GALNT13: variants seen among roughly 807,000 people sequenced by gnomAD.
GALNT13 encodes polypeptide N-acetylgalactosaminyltransferase 13.
A neutral mutation model predicts 64.2 loss-of-function variants in GALNT13; 28 were observed. The observed-to-expected ratio is 0.44, with a 90% CI of 0.32 to 0.60. The LOEUF (loss-of-function observed/expected upper bound fraction) is 0.60. GALNT13 is among the 20% of genes least tolerant of loss of function. The pLI is 0.05. For synonymous variants in GALNT13, 214 were observed against 224.6 expected (o/e 0.95, Z 0.42); for missense variants, 577 against 669.8 (o/e 0.86, Z 1.53).
At chr2:154,225,856 G>C (rs1224572044) in intron 4 of GALNT13, among the ~76,000 whole-genome samples, 1 of 152,004 alleles carries the variant, frequency 6.6e-6, no homozygotes, top group Non-Finnish European at 1.5e-5. Context: ...CACAACAAAG[G>C]CTGTCTGTCT....
intron 4 of GALNT13, among the ~76,000 whole-genome samples, chr2:154,150,578 A>G (rs1314306990): frequency 6.6e-6 from 1 of 152,058 alleles, no homozygotes; most frequent in Non-Finnish European, 1.5e-5. Context: ...TTTGGTTGGT[A>G]AGCTATTGAT....
intron 3 of GALNT13, among the ~76,000 whole-genome samples, chr2:154,108,977 A>C (rs984040976): frequency 4.6e-5 from 7 of 152,074 alleles, no homozygotes; most frequent in Admixed American, 4.6e-4. Flanking sequence ...GTAGTACAAT[A>C]ACTTCAGCTT....
the GALNT13 span, among the ~76,000 whole-genome samples, chr2:153,227,163 A>C: frequency 6.6e-6 from 1 of 152,198 alleles, no homozygotes; most frequent in African/African-American, 2.4e-5. Flanking sequence ...TGAGAATGAA[A>C]TTTGCCAGAG....
intron 3 of GALNT13, among the ~76,000 whole-genome samples, chr2:154,080,028 T>C (rs1256080327): frequency 6.6e-6 from 1 of 151,636 alleles, no homozygotes; most frequent in Admixed American, 6.6e-5. Context: ...CACCCCTTTG[T>C]TTTCTAAAGG....
intron 3 of GALNT13, among the ~76,000 whole-genome samples, chr2:154,033,339 T>G (rs1344466312): frequency 6.6e-6 from 1 of 151,918 alleles, no homozygotes; most frequent in African/African-American, 2.4e-5. Context: ...AATATAAATT[T>G]TTGCTCTTGA....
chr2:153,908,653 A>G (rs1688740119), intron 2 of GALNT13, among the ~76,000 whole-genome samples: 1 of 151,932 alleles, frequency 6.6e-6, no homozygotes, highest in South Asian at 2.1e-4. Flanking sequence ...TAGGGAGTCC[A>G]TTCCTCATTG....
the GALNT13 span, among the ~76,000 whole-genome samples, chr2:153,512,289 T>C: frequency 6.6e-6 from 1 of 152,150 alleles, no homozygotes; most frequent in South Asian, 2.1e-4. Context: ...ACTGGGTTTT[T>C]AGAGAAGAGA....
intron 3 of GALNT13, among the ~76,000 whole-genome samples, chr2:154,049,017 G>A: frequency 6.6e-6 from 1 of 151,926 alleles, no homozygotes; most frequent in Middle Eastern, 3.2e-3. Flanking sequence ...ACTTACTATG[G>A]TTCAAGAACT....
At chr2:153,205,626 C>T in the GALNT13 span, among the ~76,000 whole-genome samples, 12 of 152,078 alleles carry the variant, frequency 7.9e-5, no homozygotes, top group African/African-American at 2.9e-4. Context: ...TCCAACTGGT[C>T]CAATCCAATG....
At chr2:153,673,978 G>A in the GALNT13 span, among the ~76,000 whole-genome samples, 2 of 152,142 alleles carry the variant, frequency 1.3e-5, no homozygotes, top group African/African-American at 4.8e-5. Context: ...AAAATACCTA[G>A]GAATCCAACT....
the GALNT13 span, among the ~76,000 whole-genome samples, chr2:153,805,277 A>G: frequency 6.6e-6 from 1 of 152,088 alleles, no homozygotes; most frequent in Admixed American, 6.5e-5. Context: ...TAAGTAACAT[A>G]TAATGAAAAG....
the GALNT13 span, among the ~76,000 whole-genome samples, chr2:153,494,876 A>G: frequency 1.3e-5 from 2 of 152,114 alleles, no homozygotes; most frequent in South Asian, 4.1e-4. Context: ...TTTTGAGTCT[A>G]TAAGAAGACC....
intron 3 of GALNT13, among the ~76,000 whole-genome samples, chr2:154,076,577 A>G (rs904190484): frequency 5.9e-5 from 9 of 151,722 alleles, no homozygotes; most frequent in African/African-American, 2.2e-4. Context: ...AAATTTATCC[A>G]GAAAAAGTTA....
At chr2:153,682,077 A>G in the GALNT13 span, among the ~76,000 whole-genome samples, 1 of 151,770 alleles carries the variant, frequency 6.6e-6, no homozygotes, top group African/African-American at 2.4e-5. Flanking sequence ...CATATACTGT[A>G]CACTACTATG....
the GALNT13 span, among the ~76,000 whole-genome samples, chr2:153,674,740 A>C: frequency 1.3e-5 from 2 of 152,216 alleles, no homozygotes; most frequent in East Asian, 3.9e-4. Flanking sequence ...CAACAAAAGA[A>C]ACTATCATGA....
At chr2:153,478,542 C>T in the GALNT13 span, 2 of 1,602,638 alleles carry the variant, frequency 1.2e-6, no homozygotes, top group South Asian at 2.2e-5. Context: ...CCACGTCCGT[C>T]TGGTTGCCTA....
chr2:153,261,281 G>T, the GALNT13 span, among the ~76,000 whole-genome samples: 1 of 152,140 alleles, frequency 6.6e-6, no homozygotes, highest in East Asian at 1.9e-4. Context: ...GGCAGTGTCT[G>T]AGCATTAAAG....
At chr2:153,701,555 G>A in the GALNT13 span, among the ~76,000 whole-genome samples, 1 of 152,092 alleles carries the variant, frequency 6.6e-6, no homozygotes, top group Non-Finnish European at 1.5e-5. Flanking sequence ...GAGTGAACAG[G>A]CAACCTACTG....
chr2:153,941,940 G>C (rs1691366134), intron 2 of GALNT13, among the ~76,000 whole-genome samples: 1 of 152,016 alleles, frequency 6.6e-6, no homozygotes. Context: ...TATGAAATTA[G>C]GATAATTTGA....
Sources: gnomAD v4.1 joint callset for allele counts (sites outside exome capture counted in the v4.1 genomes callset) on GRCh38, gnomAD v4.1.1 for gene constraint, MANE v1.5 for transcripts, NCBI Gene and HGNC (gene_info 2026-07-23, HGNC 2026-07-21) for gene names.